GPC6: variants seen among roughly 807,000 people sequenced by gnomAD.
The protein encoded by GPC6 is glypican 6, also known as glypican-6.
A neutral mutation model predicts 55.2 loss-of-function variants in GPC6; 14 were observed. The ratio of observed to expected loss-of-function variants is 0.25; its 90% CI spans 0.17 to 0.40. The LOEUF is 0.40. GPC6 is among the 10% of genes least tolerant of loss of function. GPC6 has a pLI of 1.00. For synonymous variants in GPC6, 278 were observed against 259.6 expected (o/e 1.07, Z -0.68); for missense variants, 641 against 708.5 (o/e 0.90, Z 1.08).
intron 1 of GPC6, among the ~76,000 whole-genome samples, chr13:93,514,341 C>T (rs772910219): frequency 2.1e-4 from 32 of 152,206 alleles, no homozygotes; most frequent in Non-Finnish European, 2.9e-4. Context: ...AGCAGTTTTG[C>T]GGTCTATTTT....
At chr13:93,614,731 T>C (rs1177645751) in intron 2 of GPC6, among the ~76,000 whole-genome samples, 1 of 152,180 alleles carries the variant, frequency 6.6e-6, no homozygotes, top group African/African-American at 2.4e-5. Flanking sequence ...AAGGGTGCTA[T>C]AGAAGATCTC....
At chr13:93,646,019 A>C (rs140323636) in intron 2 of GPC6, among the ~76,000 whole-genome samples, 1 of 152,140 alleles carries the variant, frequency 6.6e-6, no homozygotes, top group African/African-American at 2.4e-5. Context: ...GCCCTTTAGA[A>C]ATTTTACCAT....
At chr13:93,834,141 G>T (rs770466530) in intron 3 of GPC6, among the ~76,000 whole-genome samples, 1 of 152,080 alleles carries the variant, frequency 6.6e-6, no homozygotes, top group African/African-American at 2.4e-5. Flanking sequence ...AATTTCATCC[G>T]GATAAACTGT....
intron 2 of GPC6, among the ~76,000 whole-genome samples, chr13:93,790,243 G>A (rs1052844964): frequency 1.1e-4 from 17 of 152,082 alleles, no homozygotes; most frequent in African/African-American, 4.1e-4. Flanking sequence ...ATAGGTGAGT[G>A]CCATTCAATT....
intron 4 of GPC6, among the ~76,000 whole-genome samples, chr13:94,207,013 C>T (rs1458256630): frequency 6.6e-6 from 1 of 152,170 alleles, no homozygotes; most frequent in African/African-American, 2.4e-5. Flanking sequence ...GACCAAGTAA[C>T]AGATGACTAG....
intron 2 of GPC6, among the ~76,000 whole-genome samples, chr13:93,615,256 A>T (rs181634226): frequency 3.9e-4 from 60 of 152,302 alleles, no homozygotes; most frequent in African/African-American, 1.4e-3. Context: ...AATAACAATT[A>T]TATGAATTAT....
intron 4 of GPC6, among the ~76,000 whole-genome samples, chr13:94,193,550 A>C (rs1889467542): frequency 6.6e-6 from 1 of 152,088 alleles, no homozygotes. Flanking sequence ...TGAAAACAGA[A>C]CCTGGTGAGC....
chr13:94,261,094 T>C (rs10851348), intron 4 of GPC6, among the ~76,000 whole-genome samples: 62,912 of 151,654 alleles, frequency 0.41, 13,311 homozygotes, highest in African/African-American at 0.5. Flanking sequence ...GCCTACATGG[T>C]GAAACCCCAT....
intron 1 of GPC6, among the ~76,000 whole-genome samples, chr13:93,450,167 G>A (rs1878172573): frequency 6.6e-6 from 1 of 152,140 alleles, no homozygotes; most frequent in South Asian, 2.1e-4. Flanking sequence ...CTTCCAGTTA[G>A]TAGCTTCTCA....
chr13:94,403,159 C>T lies in GPC6; in HGVS notation c.1610C>T (p.Ser537Phe), dbSNP rs1881223409. Residue 537 changes from serine to phenylalanine, a missense_variant, in exon 9 of 9, where the codon TCC becomes TTC. Coordinates refer to ENST00000377047, the MANE Select transcript of GPC6 (RefSeq NM_005708.5). ...TCTTCTGCAGCCCAGCGTGGCCACT[C>T]CCTGCTCTCCTGGTCTCTCACCTGC... ...VDSSAAQRGH[S>F]LLSWSLTCIV... 1.9e-6 allele frequency: 3 copies of T among 1,613,950 alleles called. No homozygotes were observed. Among genetic ancestry groups the T allele is most frequent in the Admixed American group, 1.7e-5 (1 of 60,004 alleles).
chr13:93,663,309 A>T (rs917724897), intron 2 of GPC6, among the ~76,000 whole-genome samples: 1 of 152,168 alleles, frequency 6.6e-6, no homozygotes, highest in African/African-American at 2.4e-5. Flanking sequence ...TATAGCCCAT[A>T]GCATGGCACC....
intron 2 of GPC6, among the ~76,000 whole-genome samples, chr13:93,773,118 G>T (rs2069876388): frequency 6.6e-6 from 1 of 152,076 alleles, no homozygotes; most frequent in South Asian, 2.1e-4. Flanking sequence ...GAAAAACTAG[G>T]AGAGAATAAG....
chr13:94,142,323 T>C (rs1325654619), intron 4 of GPC6, among the ~76,000 whole-genome samples: 1 of 152,142 alleles, frequency 6.6e-6, no homozygotes, highest in African/African-American at 2.4e-5. Context: ...ATAGATGACA[T>C]GATTTAATAG....
intron 1 of GPC6, among the ~76,000 whole-genome samples, chr13:93,463,609 A>T (rs1157711955): frequency 1.3e-5 from 2 of 152,202 alleles, no homozygotes; most frequent in Non-Finnish European, 2.9e-5. Flanking sequence ...TTAGCATGCC[A>T]CTGTGTACCA....
At chr13:94,225,698 A>G (rs978489264) in intron 4 of GPC6, among the ~76,000 whole-genome samples, 1 of 150,284 alleles carries the variant, frequency 6.7e-6, no homozygotes, top group African/African-American at 2.5e-5. Context: ...TAAACTGTAT[A>G]GTCTTTAAAT....
chr13:93,720,759 C>G (rs532088410), intron 2 of GPC6, among the ~76,000 whole-genome samples: 1 of 151,774 alleles, frequency 6.6e-6, no homozygotes, highest in Non-Finnish European at 1.5e-5. Flanking sequence ...TATTCTGGTA[C>G]GTTGTGTCTT....
chr13:94,124,932 A>T (rs140134904), intron 4 of GPC6, among the ~76,000 whole-genome samples: 1 of 152,266 alleles, frequency 6.6e-6, no homozygotes, highest in East Asian at 1.9e-4. Context: ...GTACTTTGCC[A>T]GGCAATTTGT....
chr13:93,821,488 G>T (rs1887044649), intron 2 of GPC6, among the ~76,000 whole-genome samples: 1 of 152,158 alleles, frequency 6.6e-6, no homozygotes, highest in African/African-American at 2.4e-5. Flanking sequence ...AGGGGCCTGG[G>T]ATGCACAGTT....
intron 4 of GPC6, among the ~76,000 whole-genome samples, chr13:94,235,935 C>G (rs1038737196): frequency 1.3e-5 from 2 of 152,136 alleles, no homozygotes; most frequent in African/African-American, 4.8e-5. Flanking sequence ...GGTGACGAAA[C>G]TGAGACCCTG....
Sources: gnomAD v4.1 joint callset for allele counts (sites outside exome capture counted in the v4.1 genomes callset) on GRCh38, gnomAD v4.1.1 for gene constraint, MANE v1.5 for transcripts, NCBI Gene and HGNC (gene_info 2026-07-23, HGNC 2026-07-21) for gene names.